Variants in CNTN5 observed in about 807,000 individuals in gnomAD.
The protein encoded by CNTN5 is contactin 5, also known as contactin-5.
A neutral mutation model predicts 129.1 loss-of-function variants in CNTN5; 77 were observed. The observed-to-expected ratio is 0.60, with a 90% CI of 0.50 to 0.72. The LOEUF (loss-of-function observed/expected upper bound fraction) is 0.72, where lower values mean the gene tolerates loss of function less well. CNTN5 is among the 30% of genes least tolerant of loss of function. The probability of loss-of-function intolerance (pLI) is 0.00; values close to 1 mark genes in which losing one functional copy is unlikely to be tolerated. For synonymous variants in CNTN5, 509 were observed against 465.6 expected (o/e 1.09, Z -1.20); for missense variants, 1,478 against 1,328.8 (o/e 1.11, Z -1.75).
chr11:100,085,638 G>T (rs1044964373), intron 13 of CNTN5, among the ~76,000 whole-genome samples: 1 of 151,930 alleles, frequency 6.6e-6, no homozygotes, highest in Non-Finnish European at 1.5e-5. Context: ...TGAGCATTGG[G>T]TATTTTTATA....
chr11:100,083,342 GA>G (rs1944432163), intron 13 of CNTN5, among the ~76,000 whole-genome samples: 1 of 150,760 alleles, frequency 6.6e-6, no homozygotes, highest in Admixed American at 6.6e-5. Flanking sequence ...AGAGAGATGG[GA>G]AGAGGTCCCA....
At chr11:99,593,525 T>G (rs2135674893) in intron 3 of CNTN5, among the ~76,000 whole-genome samples, 1 of 152,280 alleles carries the variant, frequency 6.6e-6, no homozygotes, top group East Asian at 1.9e-4. Flanking sequence ...GAATAGTAAT[T>G]TTTTCTTTCT....
chr11:100,152,737 C>T (rs1383555535), intron 13 of CNTN5, among the ~76,000 whole-genome samples: 1 of 152,004 alleles, frequency 6.6e-6, no homozygotes, highest in East Asian at 1.9e-4. Flanking sequence ...TTAATGTTAA[C>T]TCATTATTAA....
intron 2 of CNTN5, among the ~76,000 whole-genome samples, chr11:99,350,993 G>A (rs1052722575): frequency 2.6e-5 from 4 of 151,914 alleles, no homozygotes; most frequent in African/African-American, 9.7e-5. Flanking sequence ...ACCCAGGGAG[G>A]GGATCATCAC....
chr11:99,600,018 C>A (rs369471832), intron 3 of CNTN5, among the ~76,000 whole-genome samples: 1 of 151,840 alleles, frequency 6.6e-6, no homozygotes, highest in African/African-American at 2.4e-5. Flanking sequence ...AGAACTGATA[C>A]GAGGATGAAG....
chr11:99,585,818 T>C (rs1463840092), intron 3 of CNTN5, among the ~76,000 whole-genome samples: 3 of 152,152 alleles, frequency 2.0e-5, no homozygotes, highest in African/African-American at 7.2e-5. Context: ...CATTTTGTAA[T>C]TCATAAAGAA....
chr11:100,196,978 G>C (rs979881885), intron 15 of CNTN5, among the ~76,000 whole-genome samples: 3 of 152,080 alleles, frequency 2.0e-5, no homozygotes, highest in Middle Eastern at 6.8e-3. Flanking sequence ...GGTAGAAATT[G>C]CAGTATGGGC....
At chr11:100,090,427 G>GCCTTCCTTCCTTCCTTCCTT (rs202075446) in intron 13 of CNTN5, among the ~76,000 whole-genome samples, 2 of 148,432 alleles carry the variant, frequency 1.3e-5, no homozygotes, top group Admixed American at 6.7e-5. Flanking sequence ...TTTTCTGCCT[G>GCCTTCCTTCCTTCCTTCCTT]CCTGCCTTCC....
At chr11:99,558,551 AT>A (rs1459850458) in intron 3 of CNTN5, among the ~76,000 whole-genome samples, 5 of 151,968 alleles carry the variant, frequency 3.3e-5, no homozygotes, top group Non-Finnish European at 7.4e-5. Flanking sequence ...ATTCTCTTGT[AT>A]TTGTCCAATA....
At chr11:99,554,357 T>A (rs889477699) in intron 2 of CNTN5, among the ~76,000 whole-genome samples, 1 of 152,076 alleles carries the variant, frequency 6.6e-6, no homozygotes, top group Non-Finnish European at 1.5e-5. Context: ...TCCTTGAAAT[T>A]TTACTGAAGA....
intron 2 of CNTN5, among the ~76,000 whole-genome samples, chr11:99,532,011 C>T (rs1591230770): frequency 6.6e-6 from 1 of 152,202 alleles, no homozygotes; most frequent in Non-Finnish European, 1.5e-5. Context: ...GGGCCACTGT[C>T]CTCCAGACCC....
At chr11:99,690,715 G>T (rs930151664) in intron 3 of CNTN5, among the ~76,000 whole-genome samples, 1 of 151,980 alleles carries the variant, frequency 6.6e-6, no homozygotes, top group African/African-American at 2.4e-5. Context: ...GTATTCATAG[G>T]TATTTTATTC....
chr11:100,232,398 C>A (rs1371295123), intron 16 of CNTN5, among the ~76,000 whole-genome samples: 3 of 152,136 alleles, frequency 2.0e-5, no homozygotes, highest in South Asian at 2.1e-4. Context: ...GAAATACGAA[C>A]CAATTCACAT....
intron 4 of CNTN5, among the ~76,000 whole-genome samples, chr11:99,823,097 G>A (rs1449438536): frequency 6.6e-6 from 1 of 152,170 alleles, no homozygotes; most frequent in Non-Finnish European, 1.5e-5. Flanking sequence ...GTACCTATTC[G>A]AACATTGGGA....
At chr11:100,290,434 G>A (rs2138858782) in intron 18 of CNTN5, among the ~76,000 whole-genome samples, 1 of 147,728 alleles carries the variant, frequency 6.8e-6, no homozygotes, top group Admixed American at 6.8e-5. Flanking sequence ...ACAGAACAGA[G>A]CCCTCAGAAA....
intron 8 of CNTN5, among the ~76,000 whole-genome samples, chr11:99,978,314 G>A (rs1938121990): frequency 1.3e-5 from 2 of 152,044 alleles, no homozygotes; most frequent in African/African-American, 4.8e-5. Context: ...AGTAAACTAA[G>A]GTTCATTTAT....
chr11:100,120,706 G>T (rs1945988754), intron 13 of CNTN5, among the ~76,000 whole-genome samples: 1 of 151,820 alleles, frequency 6.6e-6, no homozygotes, highest in Non-Finnish European at 1.5e-5. Context: ...AGGGTCAAAA[G>T]TGACAAGCTT....
At chr11:99,484,731 T>A (rs984440859) in intron 2 of CNTN5, among the ~76,000 whole-genome samples, 1 of 151,986 alleles carries the variant, frequency 6.6e-6, no homozygotes, top group African/African-American at 2.4e-5. Flanking sequence ...AAATAATCAT[T>A]CTCTGTTACA....
intron 13 of CNTN5, among the ~76,000 whole-genome samples, chr11:100,148,442 C>T (rs1946930705): frequency 6.6e-6 from 1 of 152,182 alleles, no homozygotes; most frequent in African/African-American, 2.4e-5. Flanking sequence ...TTTCCCTGCC[C>T]TTCCAAGCTT....
Sources: gnomAD v4.1 joint callset for allele counts (sites outside exome capture counted in the v4.1 genomes callset) on GRCh38, gnomAD v4.1.1 for gene constraint, MANE v1.5 for transcripts, NCBI Gene and HGNC (gene_info 2026-07-23, HGNC 2026-07-21) for gene names.